HTR1F: variants seen among roughly 807,000 people sequenced by gnomAD.
HTR1F encodes 5-hydroxytryptamine receptor 1F, also known as 5-hydroxytryptamine (serotonin) receptor 1F, G protein-coupled.
Under a neutral mutation model 24.0 loss-of-function variants are expected in HTR1F, and 17 were observed. The observed-to-expected ratio is 0.71, with a 90% CI of 0.48 to 1.06. The LOEUF is 1.06. HTR1F is among the 50% of genes least tolerant of loss of function. The probability of loss-of-function intolerance (pLI) is 0.00; values close to 1 mark genes in which losing one functional copy is unlikely to be tolerated. For synonymous variants in HTR1F, 186 were observed against 156.8 expected (o/e 1.19, Z -1.39); for missense variants, 391 against 427.8 (o/e 0.91, Z 0.76).
At chr3:87,975,751 A>C (rs1258730660) in intron 2 of HTR1F, among the ~76,000 whole-genome samples, 1 of 152,246 alleles carries the variant, frequency 6.6e-6, no homozygotes, top group Non-Finnish European at 1.5e-5. Context: ...ATCCAAGTTT[A>C]AAAGGTAAGT....
intron 2 of HTR1F, among the ~76,000 whole-genome samples, chr3:87,936,940 C>T (rs2107426216): frequency 6.6e-6 from 1 of 151,912 alleles, no homozygotes; most frequent in Non-Finnish European, 1.5e-5. Flanking sequence ...AAATTGATTC[C>T]CTGAACAGAC....
chr3:87,818,209 C>T (rs1704286319), intron 1 of HTR1F, among the ~76,000 whole-genome samples: 1 of 151,996 alleles, frequency 6.6e-6, no homozygotes, highest in Non-Finnish European at 1.5e-5. Flanking sequence ...ATATATATGA[C>T]AAAAGCTTCA....
intron 2 of HTR1F, among the ~76,000 whole-genome samples, chr3:87,851,589 C>T (rs1007563253): frequency 2.0e-5 from 3 of 151,578 alleles, no homozygotes; most frequent in Non-Finnish European, 4.4e-5. Flanking sequence ...TATGCTAACT[C>T]AATCTTTTTA....
chr3:87,856,691 A>T (rs183780224), intron 2 of HTR1F, among the ~76,000 whole-genome samples: 3 of 152,308 alleles, frequency 2.0e-5, no homozygotes, highest in Admixed American at 1.3e-4. Context: ...AACCAAAAAG[A>T]TAAAATTTAG....
chr3:87,869,710 C>G (rs1047438817), intron 2 of HTR1F, among the ~76,000 whole-genome samples: 2 of 152,016 alleles, frequency 1.3e-5, no homozygotes, highest in Admixed American at 6.6e-5. Context: ...GCGGGAGAAG[C>G]CTTTCGGTCC....
At chr3:87,932,298 G>T (rs1386185270) in intron 2 of HTR1F, among the ~76,000 whole-genome samples, 1 of 152,080 alleles carries the variant, frequency 6.6e-6, no homozygotes, top group Non-Finnish European at 1.5e-5. Context: ...TTATTAAATA[G>T]GGAATCCTTT....
chr3:87,973,570 T>G (rs1359634119), intron 2 of HTR1F, among the ~76,000 whole-genome samples: 1 of 152,182 alleles, frequency 6.6e-6, no homozygotes, highest in African/African-American at 2.4e-5. Context: ...ATAAATATAA[T>G]GCATAGGCTA....
intron 2 of HTR1F, among the ~76,000 whole-genome samples, chr3:87,990,174 C>T (rs1288163037): frequency 6.6e-6 from 1 of 152,086 alleles, no homozygotes. Context: ...TAAATGGATC[C>T]TGTTAAGAAT....
intron 2 of HTR1F, among the ~76,000 whole-genome samples, chr3:87,847,815 T>C (rs1704980117): frequency 1.3e-5 from 2 of 151,906 alleles, no homozygotes; most frequent in African/African-American, 4.9e-5. Context: ...CGTGCTTAGG[T>C]TATTCCACTT....
Position 87,826,611 on chromosome 3 carries a change from A to T in HTR1F, c.-43+4487A>T, listed in dbSNP as rs570220471. ...TTGCCAACCTTTGCTTCATCTCAGA[A>T]AGTAGGTGTTTTCCAGCTTAGTGTT... On this transcript the variant is annotated intron_variant, in intron 2 of 2. Coordinates refer to ENST00000319595, the MANE Select transcript of HTR1F (RefSeq NM_001322209.2). Among the ~76,000 whole-genome samples, 6 of 152,214 alleles carry T rather than the reference A, an allele frequency of 3.9e-5. No individual in the cohort carries two copies. The South Asian group carries it at 1.2e-3, about 32-fold the overall frequency.
chr3:87,944,198 G>A (rs193152482), intron 2 of HTR1F, among the ~76,000 whole-genome samples: 1 of 152,140 alleles, frequency 6.6e-6, no homozygotes, highest in African/African-American at 2.4e-5. Flanking sequence ...GTGCTCAGGG[G>A]TGAGTCCTAG....
intron 2 of HTR1F, among the ~76,000 whole-genome samples, chr3:87,970,586 A>C (rs1705264604): frequency 6.6e-6 from 1 of 152,156 alleles, no homozygotes; most frequent in Non-Finnish European, 1.5e-5. Flanking sequence ...AGAACCAAAA[A>C]ATTGTGTGTA....
At chr3:87,984,533 G>A (rs1470866443) in intron 2 of HTR1F, among the ~76,000 whole-genome samples, 2 of 151,872 alleles carry the variant, frequency 1.3e-5, no homozygotes, top group East Asian at 3.9e-4. Flanking sequence ...CATGATTTTG[G>A]CTCACTACAA....
At chr3:87,927,092 G>A (rs560541476) in intron 2 of HTR1F, among the ~76,000 whole-genome samples, 2 of 152,218 alleles carry the variant, frequency 1.3e-5, no homozygotes, top group East Asian at 3.9e-4. Flanking sequence ...ACTCTCAGAA[G>A]ACTTGCCCAC....
intron 2 of HTR1F, among the ~76,000 whole-genome samples, chr3:87,831,409 C>T (rs1704576490): frequency 6.6e-6 from 1 of 150,714 alleles, no homozygotes; most frequent in South Asian, 2.1e-4. Context: ...GTCGCCCAGG[C>T]TGAAGTGCAG....
chr3:87,844,077 G>A (rs1188077562), intron 2 of HTR1F, among the ~76,000 whole-genome samples: 1 of 149,140 alleles, frequency 6.7e-6, no homozygotes, highest in African/African-American at 2.5e-5. Context: ...GGTATTTCTA[G>A]TTCTAGATCC....
intron 1 of HTR1F, among the ~76,000 whole-genome samples, chr3:87,805,368 G>A (rs896299664): frequency 3.7e-4 from 57 of 152,018 alleles, no homozygotes; most frequent in African/African-American, 1.3e-3. Flanking sequence ...ATTTTCCACA[G>A]GGAAATACAG....
chr3:87,904,524 G>A (rs146788102), intron 2 of HTR1F, among the ~76,000 whole-genome samples: 1 of 151,994 alleles, frequency 6.6e-6, no homozygotes, highest in Non-Finnish European at 1.5e-5. Context: ...TATAGTCATA[G>A]CATACAATAC....
Position 87,881,704 on chromosome 3 carries a change from T to C in HTR1F, c.-43+59580T>C, listed in dbSNP as rs534074666. Among the ~76,000 whole-genome samples the C allele has an allele frequency of 2.0e-3, 303 of 152,204 alleles. 1 individual carries two copies. The highest frequency in any genetic ancestry group is 3.4e-3 in the Non-Finnish European group (229 of 68,014). On this transcript the variant is annotated intron_variant, in intron 2 of 2. Transcript: ENST00000319595. ...CCCTTCCTTACACCTTATACAAAAA[T>C]CAATTCAAGATGGATTAAAGACTTA...
Sources: allele counts gnomAD v4.1 joint callset (sites outside exome capture counted in the v4.1 genomes callset), GRCh38; gene constraint gnomAD v4.1.1; transcripts MANE v1.5; gene names NCBI Gene and HGNC (gene_info 2026-07-23, HGNC 2026-07-21).